SEC16B: variants seen among roughly 807,000 people sequenced by gnomAD.
The protein encoded by SEC16B is protein transport protein Sec16B.
SEC16B carries 115 observed loss-of-function variants against 141.8 expected under a neutral mutation model. That is an observed-to-expected ratio of 0.81 (90% CI 0.70 to 0.95). SEC16B has a LOEUF of 0.95. SEC16B is among the 40% of genes least tolerant of loss of function. The pLI is 0.00. For missense variants in SEC16B, 1,291 were observed against 1,312.3 expected (o/e 0.98, Z 0.25); for synonymous variants, 493 against 492.5 (o/e 1.00, Z -0.01).
intron 8 of SEC16B, 101 bp from the exon 9 acceptor site, chr1:177,959,076 G>A (rs2101976562): frequency 3.2e-6 from 4 of 1,248,230 alleles, no homozygotes; most frequent in South Asian, 2.6e-5. Context: ...GCTGGGCTGT[G>A]ATTGAGATAG....
At chr1:177,939,195 C>G (rs578213107) in intron 18 of SEC16B, among the ~76,000 whole-genome samples, 123 of 152,324 alleles carry the variant, frequency 8.1e-4, no homozygotes, top group Middle Eastern at 3.4e-3. Context: ...CACAGTTAAC[C>G]AGGGATATGG....
chr1:177,930,699 T>C, intron 24 of SEC16B, 56 bp from the exon 25 acceptor site: 1 of 1,286,586 alleles, frequency 7.8e-7, no homozygotes. Flanking sequence ...GATTCCAGAA[T>C]GTCGAGGCCT....
chr1:177,940,472 T>C (rs1651194270), intron 17 of SEC16B, 138 bp downstream of exon 17: 2 of 601,802 alleles, frequency 3.3e-6, no homozygotes, highest in Non-Finnish European at 3.0e-6. Context: ...CTGTGCCTCA[T>C]GGGTGATGGG....
At chr1:177,930,963 T>C (rs575908) in intron 24 of SEC16B, among the ~76,000 whole-genome samples, 46,034 of 152,060 alleles carry the variant, frequency 0.3, 7,301 homozygotes, top group East Asian at 0.56. Flanking sequence ...GGGACACTTA[T>C]ACACCGCTGG....
chr1:177,930,743 T>C (rs1299093519), intron 24 of SEC16B, 100 bp from the exon 25 acceptor site: 1 of 790,208 alleles, frequency 1.3e-6, no homozygotes, highest in Non-Finnish European at 2.0e-6. Flanking sequence ...TGTTTTTTTC[T>C]CAGTGATTTC....
intron 17 of SEC16B, 66 bp from the exon 18 acceptor site, chr1:177,939,843 G>C (rs917856465): frequency 3.3e-5 from 43 of 1,301,946 alleles, no homozygotes; most frequent in Middle Eastern, 1.9e-4. Flanking sequence ...GAGAAACAAA[G>C]TGATTCAAAA....
chr1:177,934,654 C>A (rs1202988736), intron 20 of SEC16B, among the ~76,000 whole-genome samples: 1 of 152,054 alleles, frequency 6.6e-6, no homozygotes, highest in Non-Finnish European at 1.5e-5. Context: ...GGTTAAGCAA[C>A]CTGTGTCGGG....
intron 22 of SEC16B, 24 bp downstream of exon 22, chr1:177,933,190 T>C: frequency 6.6e-7 from 1 of 1,522,948 alleles, no homozygotes; most frequent in Non-Finnish European, 8.9e-7. Context: ...GAGAGGGGCA[T>C]CCTCCCCCTC....
At chr1:177,935,573 TCTGA>T (rs1289882608) in intron 20 of SEC16B, among the ~76,000 whole-genome samples, 1 of 152,088 alleles carries the variant, frequency 6.6e-6, no homozygotes, top group Non-Finnish European at 1.5e-5. Flanking sequence ...AGAAAAATAT[TCTGA>T]CTGTTGGATT....
At chr1:177,951,320 A>C (rs1038076681) in intron 12 of SEC16B, among the ~76,000 whole-genome samples, 3 of 152,220 alleles carry the variant, frequency 2.0e-5, no homozygotes, top group African/African-American at 4.8e-5. Context: ...TAATCTAGTA[A>C]AGTGACTGGA....
rs1205431931 is a variant in SEC16B at position 177,958,357 on chromosome 1, C to A, written c.1140G>T (p.Met380Ile). The change falls in exon 10 of 26, where the codon ATG becomes ATT. Residue 380 changes from methionine (M) to isoleucine (I), a missense_variant. This residue lies in a region of SEC16B where 681 missense variants were observed against 675.5 expected (regional missense o/e 1.01). Transcript: ENST00000308284. ...LVLLCRQNGSMVGSDIAELLM... is the reference protein window; with the variant it reads ...LVLLCRQNGSIVGSDIAELLM... ...GCAGCTCAGCGATGTCAGACCCCAC[C>A]ATGGACTGTAAGGCAAAGAGGATCA... The A allele has an allele frequency of 1.0e-5, 16 of 1,586,250 alleles. No individual in the cohort carries two copies. The South Asian group carries it at 1.9e-4, about 19-fold the overall frequency.
chr1:177,929,956 T>C (rs1381029819), intron 25 of SEC16B, 27 bp from the exon 26 acceptor site: 7 of 1,610,318 alleles, frequency 4.3e-6, no homozygotes, highest in African/African-American at 1.3e-5. Flanking sequence ...AATATTACAC[T>C]GAGTACAGCC....
At chr1:177,965,290 A>G (rs1378685723) in intron 3 of SEC16B, 123 bp from the exon 4 acceptor site, 8 of 1,198,852 alleles carry the variant, frequency 6.7e-6, no homozygotes, top group Non-Finnish European at 8.1e-6. Flanking sequence ...ATATTTTCCA[A>G]ATTGAAAAAA....
intron 1 of SEC16B, among the ~76,000 whole-genome samples, chr1:177,979,933 C>T (rs1654337080): frequency 6.6e-6 from 1 of 152,146 alleles, no homozygotes; most frequent in African/African-American, 2.4e-5. Context: ...CAGGTCCCTC[C>T]CACAACATGT....
rs750058778 is a variant in SEC16B at position 177,944,714 on chromosome 1, A to G, written c.1776-48T>C. 3.3e-6 allele frequency: 5 copies of G among 1,503,324 alleles called. No homozygotes were observed. In the East Asian group the frequency reaches 1.1e-4, roughly 34 times the overall value. 93.1% of individuals were successfully genotyped at this position (1,503,324 alleles called of 1,614,324 possible). A position where few individuals can be genotyped will look rare whatever the true frequency, so the allele number is the denominator to read the frequency against. On this transcript the variant is annotated intron_variant, in intron 14 of 25. Coordinates refer to ENST00000308284, the MANE Select transcript of SEC16B (RefSeq NM_033127.4). ...AAAGAGATTGAGGTGTGGGGGACGC[A>G]GGAGTTAAATCCTAGTGGCTCTCCA...
chr1:177,929,827 T>G lies in SEC16B; in HGVS notation c.*31A>C. The G allele has an allele frequency of 6.2e-7, 1 of 1,610,946 alleles. No individual in the cohort carries two copies. Among genetic ancestry groups the G allele is most frequent in the Non-Finnish European group, 8.5e-7 (1 of 1,177,826 alleles). Reference sequence around the variant, plus strand: ...AAAGAGAGCAAGAAAGTTTCAGTCCTGGGAGATGAGCCTGGGACGTGTGTT... The same window carrying G: ...AAAGAGAGCAAGAAAGTTTCAGTCCGGGGAGATGAGCCTGGGACGTGTGTT... On this transcript the variant is annotated 3_prime_UTR_variant, in exon 26 of 26. Coordinates refer to ENST00000308284, the MANE Select transcript of SEC16B (RefSeq NM_033127.4).
intron 18 of SEC16B, among the ~76,000 whole-genome samples, chr1:177,938,103 G>A (rs1414792782): frequency 2.0e-5 from 3 of 152,108 alleles, no homozygotes; most frequent in Non-Finnish European, 4.4e-5. Flanking sequence ...GCCTCAAGAT[G>A]AGCAATGTTA....
intron 13 of SEC16B, 149 bp from the exon 14 acceptor site, chr1:177,946,680 G>C (rs769968523): frequency 4.8e-6 from 3 of 621,044 alleles, no homozygotes; most frequent in Non-Finnish European, 8.6e-6. Context: ...CTTTCATAGC[G>C]TGAGTCACAG....
intron 10 of SEC16B, among the ~76,000 whole-genome samples, chr1:177,955,684 C>A (rs1283526647): frequency 6.6e-6 from 1 of 152,190 alleles, no homozygotes; most frequent in Non-Finnish European, 1.5e-5. Context: ...GAGTTTGAAA[C>A]ACACTGTGGT....
Sources: allele counts gnomAD v4.1 joint callset (sites outside exome capture counted in the v4.1 genomes callset), GRCh38; gene constraint gnomAD v4.1.1; regional missense constraint gnomAD v4.1.1; transcripts MANE v1.5; gene names NCBI Gene and HGNC (gene_info 2026-07-23, HGNC 2026-07-21).